Variants in CTH observed in about 807,000 individuals in gnomAD.
The protein encoded by CTH is cystathionine gamma-lyase.
In CTH, 41 loss-of-function variants were observed where a neutral mutation model predicts 50.6. The ratio of observed to expected loss-of-function variants is 0.81; its 90% confidence interval spans 0.63 to 1.05. CTH has a LOEUF of 1.05. CTH is among the 50% of genes least tolerant of loss of function. The probability of loss-of-function intolerance (pLI) is 0.00; values close to 1 mark genes in which losing one functional copy is unlikely to be tolerated. For missense variants in CTH, 470 were observed against 492.6 expected (o/e 0.95, Z 0.43); for synonymous variants, 156 against 168.9 (o/e 0.92, Z 0.59).
At chr1:70,431,448 C>T (rs6413472) in intron 7 of CTH, among the ~76,000 whole-genome samples, 9,378 of 152,032 alleles carry the variant, frequency 0.062, 380 homozygotes, top group South Asian at 0.13. Context: ...CAATAGATGT[C>T]TAAACACCAT....
intron 4 of CTH, 40 bp from the exon 5 acceptor site, chr1:70,424,245 A>G (rs1220517852): frequency 3.7e-6 from 6 of 1,613,482 alleles, no homozygotes; most frequent in African/African-American, 2.7e-5. Context: ...TTTGTAAAGT[A>G]TATTTTTACA....
rs761636784 is a variant in CTH at position 70,418,025 on chromosome 1, G to A, written c.339G>A (p.Val113=). The A allele has an allele frequency of 1.9e-6, 3 of 1,614,052 alleles. No homozygotes were observed. Among genetic ancestry groups the A allele is most frequent in the Non-Finnish European group, 2.5e-6 (3 of 1,179,978 alleles). ...ACCAAATTATTTGTATGGATGATGT[G>A]TATGGAGGTAGGTGACCCCTCTCAT... is the stretch of plus-strand genomic sequence containing the variant. ...AGDQIICMDD[V]YGGTNRYFRQ... The change falls in exon 3 of 12, where the codon GTG becomes GTA. Residue 113 remains valine, a synonymous_variant. Transcript: ENST00000370938.
chr1:70,438,216 TC>T (rs1288089454), intron 10 of CTH, among the ~76,000 whole-genome samples: 5 of 152,206 alleles, frequency 3.3e-5, no homozygotes, highest in Non-Finnish European at 7.3e-5. Context: ...TTCTTGGTCA[TC>T]TTTCTCCGAT....
chr1:70,416,098 A>G (rs774503815), intron 2 of CTH, 61 bp downstream of exon 2: 1 of 999,360 alleles, frequency 1.0e-6, no homozygotes, highest in Non-Finnish European at 1.6e-6. Context: ...AAAACCATAG[A>G]GGCACAGAAT....
chr1:70,430,424 G>C, intron 7 of CTH, 30 bp downstream of exon 7: 1 of 1,034,332 alleles, frequency 9.7e-7, no homozygotes, highest in South Asian at 1.3e-5. Flanking sequence ...GGTTCCCTAT[G>C]ACACTCTCAG....
In CTH at chr1:70,435,378, C is replaced by T. The variant is rs189318764; in HGVS notation, c.1052+201C>T. Among the ~76,000 whole-genome samples, 19 of 152,142 alleles carry T rather than the reference C, an allele frequency of 1.2e-4. No individual in the cohort carries two copies. The East Asian group carries it at 3.1e-3, about 25-fold the overall frequency. ...AGGGCTTCTTGTTAGTGAGCGGTGTCCTCCCAAATGTTGCTTCCTTCCCTG... is the reference window on the plus strand; with the variant it reads ...AGGGCTTCTTGTTAGTGAGCGGTGTTCTCCCAAATGTTGCTTCCTTCCCTG... On this transcript the variant is annotated intron_variant, in intron 10 of 11. Transcript: ENST00000370938.
intron 1 of CTH, among the ~76,000 whole-genome samples, chr1:70,414,640 G>C (rs1354049441): frequency 6.6e-6 from 1 of 152,164 alleles, no homozygotes; most frequent in Non-Finnish European, 1.5e-5. Flanking sequence ...ATGTGAAGCA[G>C]AGGGAGAAAA....
At chr1:70,425,286 CT>C (rs998997781) in intron 5 of CTH, among the ~76,000 whole-genome samples, 16 of 152,214 alleles carry the variant, frequency 1.1e-4, no homozygotes, top group African/African-American at 3.6e-4. Context: ...ATGTTAGTCT[CT>C]TTGGGTGGCC....
intron 8 of CTH, among the ~76,000 whole-genome samples, chr1:70,432,989 A>G (rs1369868307): frequency 1.3e-5 from 2 of 152,050 alleles, no homozygotes; most frequent in Non-Finnish European, 2.9e-5. Flanking sequence ...CAGCCCCCTG[A>G]GGTTCTCTCC....
At chr1:70,431,799 A>G (rs755919679) in intron 7 of CTH, among the ~76,000 whole-genome samples, 1 of 152,230 alleles carries the variant, frequency 6.6e-6, no homozygotes, top group Non-Finnish European at 1.5e-5. Context: ...TTTTATTAAA[A>G]TCATAGAAAG....
chr1:70,416,630 C>T (rs979652112), intron 2 of CTH, among the ~76,000 whole-genome samples: 1 of 147,644 alleles, frequency 6.8e-6, no homozygotes, highest in Non-Finnish European at 1.5e-5. Context: ...ATGGCAGGAT[C>T]TCGGCTCACT....
intron 1 of CTH, among the ~76,000 whole-genome samples, chr1:70,414,214 A>G (rs181814516): frequency 4.0e-4 from 61 of 151,432 alleles, no homozygotes; most frequent in African/African-American, 1.1e-3. Context: ...CTGGAGCCCT[A>G]TAAAATATGT....
rs181713527 is a variant in CTH, at chr1:70,425,912, G to A, written c.588+1496G>A. Among the ~76,000 whole-genome samples, 209 of 152,080 alleles carry A rather than the reference G, an allele frequency of 1.4e-3. 1 individual carries two copies. Among genetic ancestry groups the A allele is most frequent in the African/African-American group, 4.9e-3 (205 of 41,494 alleles). On this transcript the variant is annotated intron_variant, in intron 5 of 11. Coordinates refer to ENST00000370938, the MANE Select transcript of CTH (RefSeq NM_001902.6). ...ACAACTCAACATGAGATTTGGTGGC[G>A]ACACAGATCCAAACCATATCAGGCA...
intron 9 of CTH, among the ~76,000 whole-genome samples, chr1:70,434,480 G>C (rs528762781): frequency 6.6e-6 from 1 of 152,268 alleles, no homozygotes; most frequent in Non-Finnish European, 1.5e-5. Flanking sequence ...TTAACAGAAA[G>C]CTGCCAGATT....
In CTH at chr1:70,438,827, G is replaced by A; in HGVS notation, c.1191+1G>A. ...TCTAGATCAAGCTTTGAAGGCAGCAGTAAGTCTTATTATTGTGTGTGTGTG... is the reference window on the plus strand; with the variant it reads ...TCTAGATCAAGCTTTGAAGGCAGCAATAAGTCTTATTATTGTGTGTGTGTG... On this transcript the variant is annotated splice_donor_variant, in intron 11 of 11. Transcript: ENST00000370938. LOFTEE classifies it high-confidence loss of function. 6.3e-7 allele frequency: 1 copy of A among 1,597,720 alleles called. No individual in the cohort carries two copies. The highest frequency in any genetic ancestry group is 8.5e-7 in the Non-Finnish European group (1 of 1,176,278).
chr1:70,422,900 G>A (rs1388616787), intron 4 of CTH, among the ~76,000 whole-genome samples: 3 of 152,032 alleles, frequency 2.0e-5, no homozygotes, highest in Non-Finnish European at 2.9e-5. Context: ...ATGAGCCACC[G>A]TGCCGGGCCC....
intron 1 of CTH, among the ~76,000 whole-genome samples, chr1:70,412,821 G>A (rs1218041411): frequency 6.6e-6 from 1 of 152,128 alleles, no homozygotes; most frequent in Non-Finnish European, 1.5e-5. Flanking sequence ...ATGGTAATTT[G>A]TTTTTTCATG....
chr1:70,437,119 C>T (rs1684614079), intron 10 of CTH, among the ~76,000 whole-genome samples: 1 of 152,124 alleles, frequency 6.6e-6, no homozygotes, highest in Non-Finnish European at 1.5e-5. Flanking sequence ...ACTCTGTGAC[C>T]TTAGAAAAGT....
At chr1:70,419,700 T>TA (rs5775006) in intron 3 of CTH, among the ~76,000 whole-genome samples, 6,424 of 152,110 alleles carry the variant, frequency 0.042, 142 homozygotes, top group Non-Finnish European at 0.048. Context: ...TAAAGTATAA[T>TA]AAAAAAAATT....
Sources: gnomAD v4.1 joint callset for allele counts (sites outside exome capture counted in the v4.1 genomes callset) on GRCh38, gnomAD v4.1.1 for gene constraint, MANE v1.5 for transcripts, NCBI Gene and HGNC (gene_info 2026-07-23, HGNC 2026-07-21) for gene names.